FBN3: variants seen among roughly 807,000 people sequenced by gnomAD.
FBN3 encodes fibrillin-3.
In FBN3, 234 loss-of-function variants were observed where a neutral mutation model predicts 330.1. The ratio of observed to expected loss-of-function variants is 0.71; its 90% confidence interval spans 0.64 to 0.79. FBN3 has a LOEUF of 0.79. FBN3 is among the 30% of genes least tolerant of loss of function. FBN3 has a pLI of 0.00. For synonymous variants in FBN3, 1,458 were observed against 1,517.3 expected, an observed-to-expected ratio of 0.96 and a Z score of 0.91; for missense variants, 3,606 against 3,886.9, an observed-to-expected ratio of 0.93 and a Z score of 1.92.
In FBN3 at chr19:8,123,483, G is replaced by T; in HGVS notation, c.3063C>A (p.Ala1021=). 2 of 1,613,920 alleles carry T rather than the reference G, an allele frequency of 1.2e-6. No individual in the cohort carries two copies. Among genetic ancestry groups the T allele is most frequent in the Non-Finnish European group, 1.7e-6 (2 of 1,179,918 alleles). The change falls in exon 24 of 64, where the codon GCC becomes GCA. Residue 1021 remains alanine, a synonymous_variant. Transcript: ENST00000600128. ...CACAGGFALD[A]QERNCTDIDE... ...ACCTACCTGTGCAGTTCCGTTCCTGGGCATCCAGGGCGAAGCCCCCCGCAC... is the reference window on the plus strand; with the variant it reads ...ACCTACCTGTGCAGTTCCGTTCCTGTGCATCCAGGGCGAAGCCCCCCGCAC...
intron 61 of FBN3, among the ~76,000 whole-genome samples, chr19:8,074,369 G>A (rs2081591483): frequency 6.6e-6 from 1 of 152,182 alleles, no homozygotes; most frequent in Non-Finnish European, 1.5e-5. Context: ...GGAGGGGGCA[G>A]AGAAGGCAGT....
intron 18 of FBN3, 92 bp from the exon 19 acceptor site, chr19:8,126,924 G>A (rs1433488878): frequency 7.7e-6 from 11 of 1,420,740 alleles, no homozygotes; most frequent in African/African-American, 1.4e-5. Context: ...CGCCGCAACC[G>A]GTGGCACGGG....
chr19:8,082,465 C>G (rs949696872), intron 57 of FBN3, among the ~76,000 whole-genome samples: 1 of 70,998 alleles, frequency 1.4e-5, no homozygotes, highest in African/African-American at 9.5e-5. Context: ...TCCCTTCCTT[C>G]CTTCCTTCCT....
At chr19:8,088,879 ATGAG>A (rs1463958242) in intron 51 of FBN3, among the ~76,000 whole-genome samples, 3 of 151,960 alleles carry the variant, frequency 2.0e-5, no homozygotes, top group Non-Finnish European at 2.9e-5. Flanking sequence ...GAGTAAATGA[ATGAG>A]TGAGTGAATG....
chr19:8,089,430 A>C, intron 51 of FBN3, 115 bp downstream of exon 51: 1 of 1,122,242 alleles, frequency 8.9e-7, no homozygotes, highest in South Asian at 1.5e-5. Flanking sequence ...GGAGAGAGGC[A>C]GTGGTTAAGG....
chr19:8,111,123 G>A lies in FBN3; in HGVS notation c.4145C>T (p.Pro1382Leu). 1 of 1,613,450 alleles carries A rather than the reference G, an allele frequency of 6.2e-7. No individual in the cohort carries two copies. The highest frequency in any genetic ancestry group is 8.5e-7 in the Non-Finnish European group (1 of 1,179,668). ...CTCACATTCACAGCGGTACCCGCCG[G>A]GCGCATTGAGGCACTGCCCGTTGTC... The part of the protein sequence containing the change: ...LCDNGQCLNA[P>L]GGYRCECEMG... Residue 1382 changes from proline (P) to leucine (L), a missense_variant, in exon 33 of 64, where the codon CCC becomes CTC. Coordinates refer to ENST00000600128, the MANE Select transcript of FBN3 (RefSeq NM_032447.5).
intron 10 of FBN3, among the ~76,000 whole-genome samples, 187 bp from the exon 11 acceptor site, chr19:8,136,718 C>T (rs552583161): frequency 2.0e-5 from 3 of 152,142 alleles, no homozygotes; most frequent in East Asian, 1.9e-4. Context: ...GATCTAGATC[C>T]CTCCAACCTG....
chr19:8,131,346 A>G lies in FBN3; in HGVS notation c.1991-58T>C. 6.3e-7 allele frequency: 1 copy of G among 1,584,192 alleles called. No individual in the cohort carries two copies. The highest frequency in any genetic ancestry group is 8.6e-7 in the Non-Finnish European group (1 of 1,158,780). On this transcript the variant is annotated intron_variant, in intron 15 of 63. Coordinates refer to ENST00000600128, the MANE Select transcript of FBN3 (RefSeq NM_032447.5). This position sits in a 1 kb window ranked among gnomAD's most constrained non-coding sequence, Gnocchi z 4.5. Reference sequence around the variant, plus strand: ...GGGAGCTTAGCCATGGCTCGGATTCAGCCACAGGCAAGGATGAGGCCCTCT... The same window carrying G: ...GGGAGCTTAGCCATGGCTCGGATTCGGCCACAGGCAAGGATGAGGCCCTCT...
chr19:8,135,304 G>A (rs908078827), intron 13 of FBN3, among the ~76,000 whole-genome samples: 3 of 151,334 alleles, frequency 2.0e-5, no homozygotes, highest in Non-Finnish European at 2.9e-5. Context: ...TTGAGACTGA[G>A]TCTCTCTCTG....
At chr19:8,126,378 G>T (rs1462647028) in intron 20 of FBN3, 31 bp from the exon 21 acceptor site, 3 of 1,584,812 alleles carry the variant, frequency 1.9e-6, no homozygotes, top group South Asian at 1.1e-5. Flanking sequence ...GTGAAGAGAG[G>T]AGTCATTTTC....
intron 22 of FBN3, among the ~76,000 whole-genome samples, chr19:8,125,658 G>A (rs2082959952): frequency 6.6e-6 from 1 of 152,016 alleles, no homozygotes; most frequent in South Asian, 2.1e-4. Flanking sequence ...GGGCGTGGTG[G>A]TATGTGCCTG....
chr19:8,143,444 A>C (rs1599450741), intron 6 of FBN3, among the ~76,000 whole-genome samples: 1 of 143,610 alleles, frequency 7.0e-6, no homozygotes, highest in Non-Finnish European at 1.5e-5. Context: ...GCCACACCTC[A>C]CTGCTCACAA....
intron 1 of FBN3, 68 bp from the exon 2 acceptor site, chr19:8,147,565 C>T (rs953594439): frequency 2.0e-5 from 27 of 1,339,194 alleles, no homozygotes; most frequent in Middle Eastern, 5.3e-4. Flanking sequence ...CCCAACACAA[C>T]GAGGAGGGCA....
chr19:8,124,057 A>C, intron 22 of FBN3, 49 bp from the exon 23 acceptor site: 1 of 1,492,644 alleles, frequency 6.7e-7, no homozygotes, highest in Non-Finnish European at 9.2e-7. Flanking sequence ...CACTGTGCCC[A>C]CTGCGGGACA....
At chr19:8,111,618 GCCCCT>G in intron 32 of FBN3, 25 bp downstream of exon 32, 1 of 1,449,026 alleles carries the variant, frequency 6.9e-7, no homozygotes, top group Non-Finnish European at 9.6e-7. Flanking sequence ...TCCCTCTAGG[GCCCCT>G]GCCCTCCCAC....
rs758587911 is a variant in FBN3 at position 8,110,837 on chromosome 19, C to T, written c.4333+8G>A. ...TCCTCTCCCCTTCCAGCCCAGATGA[C>T]CTCACACCTGTGCAGTTGCCACCCC... On this transcript the variant is annotated splice_region_variant and intron_variant, in intron 34 of 63. Transcript: ENST00000600128. 23 of 1,614,106 alleles carry T rather than the reference C, an allele frequency of 1.4e-5. No individual in the cohort carries two copies. In the African/African-American group the frequency reaches 2.7e-4, roughly 19 times the overall value.
At chr19:8,144,111 T>C (rs1311696323) in intron 6 of FBN3, among the ~76,000 whole-genome samples, 2 of 151,924 alleles carry the variant, frequency 1.3e-5, no homozygotes, top group African/African-American at 4.8e-5. Flanking sequence ...GTCTTAAAAA[T>C]GGGATCATTT....
chr19:8,117,041 G>A, intron 28 of FBN3, 128 bp downstream of exon 28: 1 of 1,425,354 alleles, frequency 7.0e-7, no homozygotes, highest in Non-Finnish European at 9.4e-7. Flanking sequence ...CCACAGGCCA[G>A]GCAGGGGGTG....
chr19:8,145,115 T>A (rs561173726), intron 5 of FBN3, 143 bp from the exon 6 acceptor site: 2 of 730,706 alleles, frequency 2.7e-6, no homozygotes, highest in Admixed American at 4.9e-5. Flanking sequence ...GGCTAGCGCC[T>A]GTAATCCGAG....
Sources: gnomAD v4.1 joint callset for allele counts (sites outside exome capture counted in the v4.1 genomes callset) on GRCh38, gnomAD v4.1.1 for gene constraint, Gnocchi (gnomAD v3.1) non-coding constraint, MANE v1.5 for transcripts, NCBI Gene and HGNC (gene_info 2026-07-23, HGNC 2026-07-21) for gene names.